The following APBA1 variants were observed in gnomAD, a reference collection of about 807,000 sequenced individuals.
APBA1 encodes the protein amyloid beta precursor protein binding family A member 1.
Under a neutral mutation model 86.6 loss-of-function variants are expected in APBA1, and 55 were observed. That is an observed-to-expected ratio of 0.64 (90% CI 0.51 to 0.80). The LOEUF (loss-of-function observed/expected upper bound fraction) is 0.80, where lower values mean the gene tolerates loss of function less well. Among genes scored for constraint, APBA1 ranks in the 30% least tolerant of loss-of-function variants. The probability of loss-of-function intolerance (pLI) is 0.00; values close to 1 mark genes in which losing one functional copy is unlikely to be tolerated. For synonymous variants in APBA1, 511 were observed against 493.9 expected, an observed-to-expected ratio of 1.03 and a Z score of -0.46; for missense variants, 1,090 against 1,183.0, an observed-to-expected ratio of 0.92 and a Z score of 1.15.
At chr9:69,451,494 G>A (rs1835008180) in intron 9 of APBA1, among the ~76,000 whole-genome samples, 1 of 152,180 alleles carries the variant, frequency 6.6e-6, no homozygotes, top group African/African-American at 2.4e-5. Context: ...CTCCTTTCCT[G>A]TGCCTACCTC....
chr9:69,540,274 T>C (rs906446861), intron 1 of APBA1, among the ~76,000 whole-genome samples: 2 of 152,200 alleles, frequency 1.3e-5, no homozygotes, highest in Non-Finnish European at 2.9e-5. Context: ...TATTTATTTA[T>C]TGTTGGTCTC....
rs746715453 is a variant in APBA1 at position 69,456,412 on chromosome 9, A to C, written c.1623T>G (p.Pro541=). Residue 541 remains proline, a synonymous_variant, in exon 8 of 13, where the codon CCT becomes CCG. Coordinates refer to ENST00000265381, the MANE Select transcript of APBA1 (RefSeq NM_001163.4). ...CCGCAATGTAGGAAATGGTCCTCAG[A>C]GGGTGGTCCATCATTGTCTCCTGGA... ...ADTQETMMDH[P]LRTISYIADI... is the part of the protein sequence containing the mutation. 6.2e-7 allele frequency: 1 copy of C among 1,603,074 alleles called. No homozygotes were observed. The highest frequency in any genetic ancestry group is 1.1e-5 in the South Asian group (1 of 89,296).
intron 2 of APBA1, among the ~76,000 whole-genome samples, chr9:69,502,573 TTTG>T (rs1407538582): frequency 1.3e-5 from 2 of 152,084 alleles, no homozygotes; most frequent in Admixed American, 6.6e-5. Context: ...AACGTCTCAT[TTTG>T]TTGTTGTTAT....
intron 1 of APBA1, among the ~76,000 whole-genome samples, chr9:69,659,583 C>T (rs1057054335): frequency 1.3e-5 from 2 of 152,168 alleles, no homozygotes; most frequent in African/African-American, 4.8e-5. Context: ...TTTGCACTGC[C>T]AGTAAGTACC....
intron 1 of APBA1, among the ~76,000 whole-genome samples, chr9:69,568,037 C>G (rs1183014435): frequency 6.6e-6 from 1 of 152,190 alleles, no homozygotes; most frequent in East Asian, 1.9e-4. Context: ...AAATGCTTAA[C>G]AAACACAGTA....
chr9:69,487,175 C>T (rs1349829621), intron 2 of APBA1, among the ~76,000 whole-genome samples: 3 of 151,930 alleles, frequency 2.0e-5, no homozygotes, highest in African/African-American at 7.3e-5. Flanking sequence ...AGAGCAGGGC[C>T]ATGATGTGGA....
chr9:69,462,631 C>T (rs886720572), intron 5 of APBA1: 1 of 152,186 alleles, frequency 6.6e-6, no homozygotes, highest in Non-Finnish European at 1.5e-5. Flanking sequence ...GAGGAAGACA[C>T]CTGTAGCAAA....
chr9:69,468,194 A>G (rs1236961963), intron 4 of APBA1, among the ~76,000 whole-genome samples: 1 of 152,240 alleles, frequency 6.6e-6, no homozygotes, highest in African/African-American at 2.4e-5. Flanking sequence ...TTTACTATGG[A>G]AAGTGATGCA....
At chr9:69,590,411 G>A (rs1822107627) in intron 1 of APBA1, among the ~76,000 whole-genome samples, 1 of 152,156 alleles carries the variant, frequency 6.6e-6, no homozygotes, top group Non-Finnish European at 1.5e-5. Flanking sequence ...ATGTGCTGCA[G>A]GGTAAGCTCC....
chr9:69,456,436 G>A lies in APBA1; in HGVS notation c.1603-4C>T, dbSNP rs773326051. 6.3e-7 allele frequency: 1 copy of A among 1,579,748 alleles called. No individual in the cohort carries two copies. The highest frequency in any genetic ancestry group is 8.6e-7 in the Non-Finnish European group (1 of 1,161,886). On this transcript the variant is annotated splice_region_variant and splice_polypyrimidine_tract_variant and intron_variant, in intron 7 of 12. Transcript: ENST00000265381. ...GAGGGTGGTCCATCATTGTCTCCTG[G>A]AGGCAGGAAGAGAGGGCGGGTAAGT... is the stretch of plus-strand genomic sequence containing the variant.
intron 1 of APBA1, among the ~76,000 whole-genome samples, chr9:69,632,213 A>C (rs1202688631): frequency 6.6e-6 from 1 of 152,138 alleles, no homozygotes; most frequent in Non-Finnish European, 1.5e-5. Context: ...CAAACAAATT[A>C]ACTTTCTTTG....
chr9:69,460,548 T>C (rs902058529), intron 5 of APBA1: 8 of 152,068 alleles, frequency 5.3e-5, no homozygotes, highest in Middle Eastern at 3.2e-3. Context: ...TTACTTTGGA[T>C]CCCAAACCCT....
intron 6 of APBA1, among the ~76,000 whole-genome samples, 169 bp downstream of exon 6, chr9:69,457,987 C>T (rs1425782105): frequency 6.6e-6 from 1 of 152,272 alleles, no homozygotes; most frequent in Non-Finnish European, 1.5e-5. Flanking sequence ...CGGCCACCTT[C>T]GGCAACTGAG....
intron 1 of APBA1, among the ~76,000 whole-genome samples, chr9:69,562,999 T>G (rs1836971213): frequency 6.6e-6 from 1 of 152,246 alleles, no homozygotes; most frequent in Admixed American, 6.5e-5. Context: ...TGGAAATGAC[T>G]GTTTTTCTAA....
At chr9:69,559,220 A>G (rs1330449982) in intron 1 of APBA1, among the ~76,000 whole-genome samples, 2 of 152,206 alleles carry the variant, frequency 1.3e-5, no homozygotes, top group Non-Finnish European at 2.9e-5. Context: ...TACAGTCTCC[A>G]TCTTTAAAAA....
In APBA1 at chr9:69,593,497, A is replaced by T. The variant is rs1287030593; in HGVS notation, c.-69-76218T>A. On this transcript the variant is annotated intron_variant, in intron 1 of 12. Coordinates refer to ENST00000265381, the MANE Select transcript of APBA1 (RefSeq NM_001163.4). Reference sequence around the variant, plus strand: ...AAACAACCGTCAACAAGGGGCTAAAAGAACATGAAGAAGACCCTGAGGGAG... The same window carrying T: ...AAACAACCGTCAACAAGGGGCTAAATGAACATGAAGAAGACCCTGAGGGAG... 3.9e-5 allele frequency among the ~76,000 whole-genome samples: 6 copies of T among 152,372 alleles called. No individual in the cohort carries two copies. The South Asian group carries it at 1.2e-3, about 32-fold the overall frequency.
At chr9:69,658,300 C>CTTTCTT (rs1564104986) in intron 1 of APBA1, among the ~76,000 whole-genome samples, 2 of 56,084 alleles carry the variant, frequency 3.6e-5, no homozygotes, top group Non-Finnish European at 8.0e-5. Context: ...CTCTTTCTCT[C>CTTTCTT]TCTCTCTTTC....
chr9:69,591,221 G>A (rs894460378), intron 1 of APBA1, among the ~76,000 whole-genome samples: 41 of 152,140 alleles, frequency 2.7e-4, no homozygotes, highest in South Asian at 1.2e-3. Context: ...CTCTCTCCAG[G>A]TGCCTCTTTT....
At chr9:69,658,243 T>TC (rs1823657794) in intron 1 of APBA1, among the ~76,000 whole-genome samples, 2 of 19,826 alleles carry the variant, frequency 1.0e-4, no homozygotes, top group Admixed American at 1.7e-3. Context: ...TTTCTTTCTT[T>TC]CTTTCTTTCT....
Sources: gnomAD v4.1 joint callset for allele counts (sites outside exome capture counted in the v4.1 genomes callset) on GRCh38, gnomAD v4.1.1 for gene constraint, MANE v1.5 for transcripts, NCBI Gene and HGNC (gene_info 2026-07-23, HGNC 2026-07-21) for gene names.